Variants in CACNA2D1 observed in about 807,000 individuals in gnomAD.
CACNA2D1 encodes the protein calcium voltage-gated channel auxiliary subunit alpha2delta 1.
A neutral mutation model predicts 171.5 loss-of-function variants in CACNA2D1; 53 were observed. The observed-to-expected ratio is 0.31, with a 90% CI of 0.25 to 0.39. The LOEUF (loss-of-function observed/expected upper bound fraction) is 0.39, where lower values mean the gene tolerates loss of function less well. CACNA2D1 is among the 10% of genes least tolerant of loss of function. CACNA2D1 has a pLI of 1.00. For synonymous variants in CACNA2D1, 442 were observed against 443.1 expected (o/e 1.00, Z 0.03); for missense variants, 903 against 1,299.8 (o/e 0.69, Z 4.69).
intron 3 of CACNA2D1, among the ~76,000 whole-genome samples, chr7:82,272,420 T>G (rs971139795): frequency 2.0e-5 from 3 of 152,194 alleles, no homozygotes; most frequent in Admixed American, 6.6e-5. Context: ...TTCCTTCAAG[T>G]GGTCGGCTGG....
intron 3 of CACNA2D1, among the ~76,000 whole-genome samples, chr7:82,201,200 G>C (rs1196962615): frequency 2.6e-5 from 4 of 152,274 alleles, no homozygotes; most frequent in African/African-American, 9.6e-5. Flanking sequence ...GACATAGCAA[G>C]CAAGCCTGTG....
chr7:82,320,174 A>G (rs1046019420), intron 3 of CACNA2D1, among the ~76,000 whole-genome samples: 13 of 152,292 alleles, frequency 8.5e-5, no homozygotes, highest in African/African-American at 3.1e-4. Flanking sequence ...TCTGCAGAGA[A>G]AAGTATGAGT....
chr7:82,358,404 G>A lies in CACNA2D1; in HGVS notation c.96-8755C>T, dbSNP rs565700181. Among the ~76,000 whole-genome samples the A allele has an allele frequency of 3.3e-5, 5 of 152,266 alleles. No individual in the cohort carries two copies. The South Asian group carries it at 8.3e-4, about 25-fold the overall frequency. ...TAAATCGTAGGATTGTTTGTGAGAT[G>A]GGTGTCATGCCAGAAATGTTAGTTA... is the stretch of plus-strand genomic sequence containing the variant. On this transcript the variant is annotated intron_variant, in intron 1 of 38. Transcript: ENST00000356860.
At chr7:82,218,919 A>G (rs1336203358) in intron 3 of CACNA2D1, among the ~76,000 whole-genome samples, 1 of 152,146 alleles carries the variant, frequency 6.6e-6, no homozygotes, top group Non-Finnish European at 1.5e-5. Context: ...TAAAAATATT[A>G]GCCTATATTT....
At chr7:82,013,273 A>G (rs550489034) in intron 14 of CACNA2D1, among the ~76,000 whole-genome samples, 188 bp downstream of exon 14, 17 of 151,998 alleles carry the variant, frequency 1.1e-4, no homozygotes, top group African/African-American at 4.1e-4. Flanking sequence ...AGTTTTGGTT[A>G]TTTGAAAACA....
intron 3 of CACNA2D1, among the ~76,000 whole-genome samples, chr7:82,263,170 G>A (rs1807357244): frequency 7.0e-6 from 1 of 142,258 alleles, no homozygotes; most frequent in South Asian, 2.2e-4. Flanking sequence ...GTACAGTGGT[G>A]TAATCTCAGC....
intron 1 of CACNA2D1, among the ~76,000 whole-genome samples, chr7:82,360,340 C>G (rs1820956808): frequency 6.6e-6 from 1 of 151,994 alleles, no homozygotes. Context: ...AACAAGAATA[C>G]CTAAGTAGGT....
At chr7:82,250,623 C>G (rs907214590) in intron 3 of CACNA2D1, among the ~76,000 whole-genome samples, 5 of 152,090 alleles carry the variant, frequency 3.3e-5, no homozygotes, top group Non-Finnish European at 7.4e-5. Context: ...TATGTGTTAG[C>G]TCTCAAATTT....
At chr7:82,108,823 T>C (rs1007004671) in intron 6 of CACNA2D1, among the ~76,000 whole-genome samples, 7 of 152,212 alleles carry the variant, frequency 4.6e-5, no homozygotes, top group African/African-American at 1.7e-4. Context: ...TTAATTATGG[T>C]CAAATTAGCC....
At chr7:81,954,327 TATG>T in intron 38 of CACNA2D1, among the ~76,000 whole-genome samples, 1 of 151,858 alleles carries the variant, frequency 6.6e-6, no homozygotes. Context: ...TATTTTAAAA[TATG>T]ATAAAACTAA....
At chr7:81,957,672 G>A (rs118146307) in intron 38 of CACNA2D1, among the ~76,000 whole-genome samples, 400 of 152,226 alleles carry the variant, frequency 2.6e-3, no homozygotes, top group Middle Eastern at 0.014. Flanking sequence ...CAGATTCACA[G>A]TGACCATTGC....
chr7:82,151,348 TACAG>T (rs1197736184), intron 4 of CACNA2D1, among the ~76,000 whole-genome samples: 1 of 152,102 alleles, frequency 6.6e-6, no homozygotes, highest in Non-Finnish European at 1.5e-5. Flanking sequence ...TCCAAAAAAT[TACAG>T]ACAAAGTTGT....
intron 38 of CACNA2D1, among the ~76,000 whole-genome samples, chr7:81,955,960 C>CTATATATATA (rs764892530): frequency 3.8e-4 from 25 of 65,836 alleles, no homozygotes; most frequent in Admixed American, 1.4e-3. Context: ...GTCACTGTTG[C>CTATATATATA]TATATATATA....
At chr7:81,954,953 G>A (rs1355761297) in intron 38 of CACNA2D1, among the ~76,000 whole-genome samples, 1 of 103,240 alleles carries the variant, frequency 9.7e-6, no homozygotes, top group Middle Eastern at 3.8e-3. Context: ...TAGGTAGGTA[G>A]TAGTATATTT....
At chr7:82,318,659 C>G (rs967550581) in intron 3 of CACNA2D1, among the ~76,000 whole-genome samples, 1 of 152,176 alleles carries the variant, frequency 6.6e-6, no homozygotes, top group South Asian at 2.1e-4. Flanking sequence ...AATAAGCTAC[C>G]ATTATCACTT....
intron 1 of CACNA2D1, among the ~76,000 whole-genome samples, chr7:82,432,659 A>G (rs1015688609): frequency 3.3e-5 from 5 of 152,180 alleles, no homozygotes; most frequent in African/African-American, 1.2e-4. Context: ...TTAATCTTCT[A>G]GAGTTTACTG....
chr7:82,136,484 G>C, intron 5 of CACNA2D1, 151 bp downstream of exon 5: 1 of 587,046 alleles, frequency 1.7e-6, no homozygotes, highest in Admixed American at 3.0e-5. Flanking sequence ...AATCACAAAA[G>C]TTCTTCATTA....
chr7:82,095,375 G>T (rs888803496), intron 6 of CACNA2D1, among the ~76,000 whole-genome samples: 1 of 151,582 alleles, frequency 6.6e-6, no homozygotes, highest in East Asian at 1.9e-4. Flanking sequence ...CTATCTTTAT[G>T]TGTGTGCCTT....
intron 3 of CACNA2D1, among the ~76,000 whole-genome samples, chr7:82,261,499 T>C (rs994196144): frequency 2.0e-5 from 3 of 152,126 alleles, no homozygotes; most frequent in Non-Finnish European, 4.4e-5. Context: ...TACCATTCAA[T>C]GAGATAAGTA....
Sources: allele counts gnomAD v4.1 joint callset (sites outside exome capture counted in the v4.1 genomes callset), GRCh38; gene constraint gnomAD v4.1.1; transcripts MANE v1.5; gene names NCBI Gene and HGNC (gene_info 2026-07-23, HGNC 2026-07-21).